MLLT3: variants seen among roughly 807,000 people sequenced by gnomAD.
MLLT3 encodes MLLT3 super elongation complex subunit.
MLLT3 carries 4 observed loss-of-function variants against 53.2 expected under a neutral mutation model. That is an observed-to-expected ratio of 0.08 (90% CI 0.04 to 0.17). MLLT3 has a LOEUF of 0.17. Among genes scored for constraint, MLLT3 ranks in the 10% least tolerant of loss-of-function variants. MLLT3 has a pLI of 1.00. For missense variants in MLLT3, 569 were observed against 684.0 expected (o/e 0.83, Z 1.87); for synonymous variants, 283 against 230.6 (o/e 1.23, Z -2.06).
chr9:20,589,277 C>T (rs1397726395), intron 2 of MLLT3, among the ~76,000 whole-genome samples: 1 of 151,878 alleles, frequency 6.6e-6, no homozygotes, highest in Non-Finnish European at 1.5e-5. Context: ...AGTTCATGTC[C>T]TTTGTAGGGA....
chr9:20,558,990 A>G (rs1206904969), intron 2 of MLLT3, among the ~76,000 whole-genome samples: 1 of 152,090 alleles, frequency 6.6e-6, no homozygotes. Context: ...CTTTTTCACT[A>G]AAAGGCTGAA....
At chr9:20,438,811 A>C (rs947358527) in intron 4 of MLLT3, among the ~76,000 whole-genome samples, 2 of 152,144 alleles carry the variant, frequency 1.3e-5, no homozygotes, top group African/African-American at 4.8e-5. Flanking sequence ...TTAAGTCACC[A>C]CAAGTTCATG....
intron 3 of MLLT3, among the ~76,000 whole-genome samples, chr9:20,452,227 A>T (rs1339930047): frequency 6.6e-6 from 1 of 152,008 alleles, no homozygotes; most frequent in African/African-American, 2.4e-5. Context: ...CCCAAATCTC[A>T]TCTTGAATTG....
chr9:20,604,769 C>T (rs182637069), intron 2 of MLLT3, among the ~76,000 whole-genome samples: 72 of 152,188 alleles, frequency 4.7e-4, no homozygotes, highest in Non-Finnish European at 1.0e-3. Flanking sequence ...GTAACCAGAT[C>T]GTTTCTATTT....
chr9:20,368,947 C>T (rs1587163877), intron 5 of MLLT3, among the ~76,000 whole-genome samples: 1 of 152,260 alleles, frequency 6.6e-6, no homozygotes, highest in East Asian at 1.9e-4. Flanking sequence ...AAGATGAGAC[C>T]TTTAAAATGA....
intron 2 of MLLT3, among the ~76,000 whole-genome samples, chr9:20,548,621 A>T (rs1355474295): frequency 6.6e-6 from 1 of 152,180 alleles, no homozygotes; most frequent in Non-Finnish European, 1.5e-5. Flanking sequence ...TGGCCCTGTT[A>T]AGAGTAAGAT....
chr9:20,452,797 A>G (rs1019880729), intron 3 of MLLT3, among the ~76,000 whole-genome samples: 8 of 152,180 alleles, frequency 5.3e-5, no homozygotes, highest in African/African-American at 1.7e-4. Context: ...TCTAAAACAG[A>G]TATCATGTAA....
chr9:20,395,626 A>T (rs1327767938), intron 5 of MLLT3, among the ~76,000 whole-genome samples: 1 of 152,196 alleles, frequency 6.6e-6, no homozygotes, highest in Admixed American at 6.5e-5. Flanking sequence ...AAAACTTGGC[A>T]TCTTTCTCCC....
chr9:20,348,087 T>C (rs1232804405), intron 10 of MLLT3, among the ~76,000 whole-genome samples: 1 of 152,190 alleles, frequency 6.6e-6, no homozygotes, highest in African/African-American at 2.4e-5. Flanking sequence ...CAACTCCAGA[T>C]TGAGCTGTTA....
chr9:20,532,510 T>C (rs1818369786), intron 2 of MLLT3: 3 of 196,444 alleles, frequency 1.5e-5, no homozygotes, highest in Admixed American at 1.2e-4. Flanking sequence ...CATTAGAACA[T>C]TTAAGAAAAT....
intron 2 of MLLT3, among the ~76,000 whole-genome samples, chr9:20,605,501 CTAGA>C: frequency 6.6e-6 from 1 of 152,080 alleles, no homozygotes; most frequent in African/African-American, 2.4e-5. Flanking sequence ...CGGGTTCATA[CTAGA>C]AAGAAGCTCC....
chr9:20,456,958 A>G (rs1327151289), intron 2 of MLLT3, among the ~76,000 whole-genome samples, 172 bp from the exon 3 acceptor site: 2 of 152,204 alleles, frequency 1.3e-5, no homozygotes, highest in Non-Finnish European at 2.9e-5. Flanking sequence ...TCCAGAAACT[A>G]TAACAATAAT....
intron 2 of MLLT3, among the ~76,000 whole-genome samples, chr9:20,595,127 C>T (rs1030927207): frequency 6.6e-6 from 1 of 151,956 alleles, no homozygotes; most frequent in South Asian, 2.1e-4. Flanking sequence ...GAGGCCAATT[C>T]GGGAGGACTA....
Position 20,589,009 on chromosome 9 carries a change from T to C in MLLT3, c.193+31645A>G, listed in dbSNP as rs1587106358. The stretch of plus-strand genomic sequence containing the variant: ...GTGGGACTGTAAACTAGTTCAACCA[T>C]TGTGGAAGACAGTGTGGCGATTCCT... On this transcript the variant is annotated intron_variant, in intron 2 of 10. Transcript: ENST00000380338. Among the ~76,000 whole-genome samples, 4 of 151,420 alleles carry C rather than the reference T, an allele frequency of 2.6e-5. 1 individual carries two copies. The highest frequency in any genetic ancestry group is 9.7e-5 in the African/African-American group (4 of 41,248).
chr9:20,407,121 TAG>T (rs1166254874), intron 5 of MLLT3, among the ~76,000 whole-genome samples: 1 of 152,196 alleles, frequency 6.6e-6, no homozygotes, highest in Non-Finnish European at 1.5e-5. Context: ...TTGAATAACT[TAG>T]AGAGGTTATA....
intron 5 of MLLT3, chr9:20,382,328 T>C (rs1485360781): frequency 4.0e-5 from 6 of 151,872 alleles, no homozygotes; most frequent in Non-Finnish European, 8.8e-5. Flanking sequence ...AAACTTTACA[T>C]ATAGTTTATC....
intron 2 of MLLT3, among the ~76,000 whole-genome samples, chr9:20,467,989 T>C (rs1351854740): frequency 2.6e-5 from 4 of 152,204 alleles, no homozygotes; most frequent in Non-Finnish European, 4.4e-5. Context: ...AGAAGTTTAG[T>C]GGTCGAGAGC....
rs1389577875 is a variant in MLLT3 at position 20,620,287 on chromosome 9, A to ACGCG, written c.193+366_193+367insCGCG. Among the ~76,000 whole-genome samples the ACGCG allele has an allele frequency of 2.9e-5, 4 of 138,558 alleles. No individual in the cohort carries two copies. The highest frequency in any genetic ancestry group is 1.1e-4 in the African/African-American group (4 of 35,196). The allele number at this position is 138,558 out of a possible 152,430, so 90.9% of individuals were successfully genotyped here. A position where few individuals can be genotyped will look rare whatever the true frequency, so the allele number is the denominator to read the frequency against. ...CACACACACACACACACACACACAC[A>ACGCG]CACACACGCGCAAAGTGTTTATTCC... On this transcript the variant is annotated intron_variant, in intron 2 of 10. Coordinates refer to ENST00000380338, the MANE Select transcript of MLLT3 (RefSeq NM_004529.4). The surrounding 1 kb of genome is among the most constrained non-coding windows in gnomAD (Gnocchi z 6.1).
Position 20,448,064 on chromosome 9 carries a change from T to A in MLLT3, c.420+59A>T. ...ACATGAGGAACTAGTTTGTTTGTTT[T>A]TTTTTTTGTTGTTGTTGTTTTTTAA... On this transcript the variant is annotated intron_variant, in intron 4 of 10. Transcript: ENST00000380338. This position sits in a 1 kb window ranked among gnomAD's most constrained non-coding sequence, Gnocchi z 4.0. The A allele has an allele frequency of 1.3e-6, 2 of 1,556,062 alleles. No individual in the cohort carries two copies. Among genetic ancestry groups the A allele is most frequent in the East Asian group, 2.2e-5 (1 of 44,530 alleles).
Sources: gnomAD v4.1 joint callset for allele counts (sites outside exome capture counted in the v4.1 genomes callset) on GRCh38, gnomAD v4.1.1 for gene constraint, Gnocchi (gnomAD v3.1) non-coding constraint, MANE v1.5 for transcripts, NCBI Gene and HGNC (gene_info 2026-07-23, HGNC 2026-07-21) for gene names.